The following ZFP90 variants were observed in gnomAD, a reference collection of about 807,000 sequenced individuals.
ZFP90 encodes the protein ZFP90 zinc finger protein, also known as zinc finger protein 90 homolog.
In ZFP90, 38 loss-of-function variants were observed where a neutral mutation model predicts 60.8. The ratio of observed to expected loss-of-function variants is 0.62; its 90% confidence interval spans 0.48 to 0.82. The LOEUF (loss-of-function observed/expected upper bound fraction) is 0.82. Among genes scored for constraint, ZFP90 ranks in the 40% least tolerant of loss-of-function variants. ZFP90 has a pLI of 0.00. For missense variants in ZFP90, 711 were observed against 759.1 expected (o/e 0.94, Z 0.74); for synonymous variants, 287 against 264.8 (o/e 1.08, Z -0.82).
downstream of ZFP90, among the ~76,000 whole-genome samples, chr16:68,576,485 GC>G (rs1334837879): frequency 1.3e-5 from 2 of 152,170 alleles, no homozygotes; most frequent in Non-Finnish European, 2.9e-5. Context: ...GGTGGCTCAC[GC>G]CTGTAATCCC....
rs34979386 is a variant in ZFP90 at position 68,564,841 on chromosome 16, A to AT, written c.*155dup. The stretch of plus-strand genomic sequence containing the variant: ...TGTGGAGAAAACTGCCAGTAGACAG[A>AT]TTTTTTTTTTTTAACATAAAGACAC... On this transcript the variant is annotated 3_prime_UTR_variant, in exon 5 of 5. Transcript: ENST00000563169. 8,003 of 1,320,234 alleles carry AT rather than the reference A, an allele frequency of 6.1e-3. 2 individuals carry two copies. Among genetic ancestry groups the AT allele is most frequent in the South Asian group, 0.013 (696 of 51,832 alleles). 81.8% of individuals were successfully genotyped at this position (1,320,234 alleles called of 1,614,324 possible).
chr16:68,559,074 A>G (rs1419753105), intron 4 of ZFP90, among the ~76,000 whole-genome samples: 1 of 151,916 alleles, frequency 6.6e-6, no homozygotes, highest in Non-Finnish European at 1.5e-5. Context: ...TAGTATCCTC[A>G]TCTCCCAGTT....
intron 2 of ZFP90, among the ~76,000 whole-genome samples, chr16:68,551,411 G>A (rs1319629875): frequency 1.6e-5 from 2 of 124,428 alleles, no homozygotes; most frequent in African/African-American, 6.0e-5. Flanking sequence ...GGGAACATGT[G>A]ATCCTTTTTT....
At position 68,564,688 on chromosome 16, in the gene ZFP90, A is replaced by G. The variant is rs1032726403; in HGVS notation, c.1901A>G (p.Asn634Ser). The G allele has an allele frequency of 1.2e-6, 2 of 1,605,984 alleles. No individual in the cohort carries two copies. The highest frequency in any genetic ancestry group is 1.7e-6 in the Non-Finnish European group (2 of 1,177,556). The change falls in exon 5 of 5, where the codon AAT becomes AGT. Residue 634 changes from asparagine (N) to serine (S), a missense_variant. By Grantham distance (46) the Asn-to-Ser change is conservative. This residue lies in a region of ZFP90 where 295 missense variants were observed against 274.0 expected (regional missense o/e 1.08). Transcript: ENST00000563169. ...LTKHQRIHTR[N>S]KL is the part of the protein sequence containing the mutation. ...AAACACCAGAGAATTCATACTCGAA[A>G]TAAACTCTAGGAACCGTGAAATTAA...
chr16:68,539,692 G>A (rs2091001408), intron 1 of ZFP90, 66 bp from the exon 2 acceptor site: 3 of 1,274,744 alleles, frequency 2.4e-6, no homozygotes, highest in Non-Finnish European at 3.1e-6. Context: ...GCGGAGGTGG[G>A]GCGGGGCGGG....
intron 2 of ZFP90, among the ~76,000 whole-genome samples, chr16:68,547,680 A>G (rs1013176279): frequency 3.9e-5 from 6 of 152,116 alleles, no homozygotes; most frequent in African/African-American, 9.7e-5. Context: ...TTTAATGACT[A>G]TATTATATTG....
At chr16:68,557,421 T>C (rs1567405669) in intron 2 of ZFP90, 2 of 363,134 alleles carry the variant, frequency 5.5e-6, no homozygotes, top group Non-Finnish European at 1.1e-5. Context: ...AAGGTGCAAT[T>C]ATTCCACTAT....
chr16:68,556,170 CA>C (rs947471206), intron 2 of ZFP90, among the ~76,000 whole-genome samples: 3 of 148,806 alleles, frequency 2.0e-5, no homozygotes, highest in Non-Finnish European at 3.0e-5. Flanking sequence ...ATCCTGTCTC[CA>C]AAAAAAAAGC....
chr16:68,557,914 G>C (rs955101531), intron 2 of ZFP90, 84 bp from the exon 3 acceptor site: 14 of 1,573,048 alleles, frequency 8.9e-6, no homozygotes, highest in Non-Finnish European at 1.1e-5. Context: ...CACCACTTCT[G>C]ATAGCTCCTG....
upstream of ZFP90, among the ~76,000 whole-genome samples, chr16:68,538,706 CAA>C (rs34774456): frequency 6.9e-6 from 1 of 145,412 alleles, no homozygotes; most frequent in African/African-American, 2.5e-5. Context: ...AACTGTGTCT[CAA>C]AAAAAAAAAA....
At chr16:68,547,159 C>T (rs561297678) in intron 2 of ZFP90, among the ~76,000 whole-genome samples, 14 of 152,220 alleles carry the variant, frequency 9.2e-5, no homozygotes, top group South Asian at 8.3e-4. Context: ...CGGGGTCATA[C>T]GGTAATTTTT....
chr16:68,544,662 C>T (rs1278586140), intron 2 of ZFP90, among the ~76,000 whole-genome samples: 2 of 152,014 alleles, frequency 1.3e-5, no homozygotes, highest in Non-Finnish European at 2.9e-5. Context: ...CTTCTGGGGC[C>T]ACCAGGGGAA....
chr16:68,562,597 G>C (rs150491131), intron 4 of ZFP90: 229 of 201,270 alleles, frequency 1.1e-3, no homozygotes, highest in African/African-American at 5.1e-3. Flanking sequence ...ACTGGGTACA[G>C]ATTTTCTCTG....
intron 4 of ZFP90, among the ~76,000 whole-genome samples, chr16:68,559,088 C>T (rs1475646079): frequency 6.6e-6 from 1 of 152,152 alleles, no homozygotes. Context: ...CCCAGTTCCT[C>T]GCTTGTTAAG....
chr16:68,569,432 G>A (rs1631910), downstream of ZFP90, among the ~76,000 whole-genome samples: 116,904 of 152,128 alleles, frequency 0.77, 45,005 homozygotes, highest in East Asian at 0.82. Flanking sequence ...AGTGCGCCCA[G>A]CTGATTAGTC....
At chr16:68,557,690 CAAAG>C (rs577793270) in intron 2 of ZFP90, among the ~76,000 whole-genome samples, 47 of 151,170 alleles carry the variant, frequency 3.1e-4, no homozygotes, top group South Asian at 1.5e-3. Flanking sequence ...GATTTTGTAA[CAAAG>C]AAAGTGAATA....
At position 68,566,696 on chromosome 16, in the gene ZFP90, A is replaced by C. The variant is rs923647056; in HGVS notation, c.*1998A>C. On this transcript the variant is annotated 3_prime_UTR_variant, in exon 5 of 5. Coordinates refer to ENST00000563169, the MANE Select transcript of ZFP90 (RefSeq NM_001305203.2). ...AGGCTGTGCTTCTATTATCTGATAC[A>C]TAGTTTGACAATGGGTAATTCTACT... 1 of 985,550 alleles carries C rather than the reference A, an allele frequency of 1.0e-6. No homozygotes were observed. 61.1% of individuals were successfully genotyped at this position (985,550 alleles called of 1,614,324 possible).
At chr16:68,560,868 G>A (rs1228396817) in intron 4 of ZFP90, among the ~76,000 whole-genome samples, 1 of 137,730 alleles carries the variant, frequency 7.3e-6, no homozygotes, top group Non-Finnish European at 1.5e-5. Flanking sequence ...CCAGCCACTG[G>A]ATTTTAATGC....
At chr16:68,538,643 C>T (rs1168129482), upstream of ZFP90, among the ~76,000 whole-genome samples, 3 of 151,412 alleles carry the variant, frequency 2.0e-5, no homozygotes, top group Non-Finnish European at 4.4e-5. Context: ...GAGGCGGAGG[C>T]TGCGGTGAGC....
Sources: allele counts gnomAD v4.1 joint callset (sites outside exome capture counted in the v4.1 genomes callset), GRCh38; gene constraint gnomAD v4.1.1; regional missense constraint gnomAD v4.1.1; transcripts MANE v1.5; gene names NCBI Gene and HGNC (gene_info 2026-07-23, HGNC 2026-07-21).